The following NRXN3 variants were observed in gnomAD, a reference collection of about 807,000 sequenced individuals.
The protein encoded by NRXN3 is neurexin 3.
NRXN3 carries 32 observed loss-of-function variants against 137.6 expected under a neutral mutation model. The ratio of observed to expected loss-of-function variants is 0.23; its 90% CI spans 0.18 to 0.31. The LOEUF is 0.31. NRXN3 is among the 10% of genes least tolerant of loss of function. NRXN3 has a pLI of 1.00. For synonymous variants in NRXN3, 798 were observed against 784.5 expected, an observed-to-expected ratio of 1.02 and a Z score of -0.29; for missense variants, 1,574 against 2,062.5, an observed-to-expected ratio of 0.76 and a Z score of 4.59.
At chr14:78,862,028 C>T (rs1488025653) in intron 10 of NRXN3, among the ~76,000 whole-genome samples, 1 of 152,092 alleles carries the variant, frequency 6.6e-6, no homozygotes, top group Non-Finnish European at 1.5e-5. Flanking sequence ...CTAGAGTTTA[C>T]ATTCCAGTTG....
intron 15 of NRXN3, among the ~76,000 whole-genome samples, chr14:79,185,075 G>A (rs2063363412): frequency 6.6e-6 from 1 of 152,150 alleles, no homozygotes; most frequent in African/African-American, 2.4e-5. Flanking sequence ...ATCTTAAGAA[G>A]TTATTAGTCC....
intron 15 of NRXN3, among the ~76,000 whole-genome samples, chr14:79,078,143 C>A (rs1462435536): frequency 6.6e-6 from 1 of 152,066 alleles, no homozygotes; most frequent in African/African-American, 2.4e-5. Flanking sequence ...CCTAGGATTT[C>A]TACTGCTGCT....
intron 20 of NRXN3, among the ~76,000 whole-genome samples, chr14:79,842,565 T>C (rs1211303696): frequency 6.6e-6 from 1 of 152,126 alleles, no homozygotes; most frequent in African/African-American, 2.4e-5. Flanking sequence ...CCTTTGGGGA[T>C]TTTAAAGAGG....
At chr14:79,079,093 A>G (rs924208228) in intron 15 of NRXN3, among the ~76,000 whole-genome samples, 1 of 152,138 alleles carries the variant, frequency 6.6e-6, no homozygotes, top group Non-Finnish European at 1.5e-5. Context: ...CAGAACAAAG[A>G]TCATTCTCTT....
intron 15 of NRXN3, among the ~76,000 whole-genome samples, chr14:79,207,866 AT>A (rs1568607606): frequency 6.6e-6 from 1 of 151,998 alleles, no homozygotes; most frequent in African/African-American, 2.4e-5. Context: ...TATGGTATAT[AT>A]ATTTTAAATT....
chr14:79,428,584 C>T (rs2095694357), intron 15 of NRXN3, among the ~76,000 whole-genome samples: 4 of 151,976 alleles, frequency 2.6e-5, no homozygotes, highest in Admixed American at 2.6e-4. Flanking sequence ...TTTTTTCTTA[C>T]ATATATTATA....
chr14:79,712,862 C>T (rs562070273), intron 19 of NRXN3, among the ~76,000 whole-genome samples: 1 of 152,236 alleles, frequency 6.6e-6, no homozygotes, highest in African/African-American at 2.4e-5. Context: ...ATCCCTGGGC[C>T]CTGCTCCTGT....
chr14:79,128,143 C>A (rs74577864), intron 15 of NRXN3, among the ~76,000 whole-genome samples: 1 of 143,324 alleles, frequency 7.0e-6, no homozygotes, highest in Admixed American at 7.0e-5. Context: ...TTGACTTCCT[C>A]TTTTCCTAAT....
intron 9 of NRXN3, among the ~76,000 whole-genome samples, chr14:78,807,787 A>AAGAAAGAAAG (rs71131663): frequency 6.8e-6 from 1 of 147,876 alleles, no homozygotes; most frequent in Admixed American, 6.7e-5. Context: ...GAAAGAAAGA[A>AAGAAAGAAAG]AAAAACTTTC....
intron 15 of NRXN3, among the ~76,000 whole-genome samples, chr14:79,056,611 G>A (rs1471629184): frequency 6.6e-6 from 1 of 152,168 alleles, no homozygotes; most frequent in Non-Finnish European, 1.5e-5. Context: ...GTTGTGTGGG[G>A]TCTGCAGGAT....
At chr14:79,556,892 C>T (rs999403126) in intron 16 of NRXN3, among the ~76,000 whole-genome samples, 6 of 152,142 alleles carry the variant, frequency 3.9e-5, no homozygotes, top group Non-Finnish European at 7.4e-5. Flanking sequence ...CAATGTTGCA[C>T]CTTTGCATAA....
intron 15 of NRXN3, among the ~76,000 whole-genome samples, chr14:79,300,758 A>G (rs1354163819): frequency 6.6e-6 from 1 of 152,078 alleles, no homozygotes; most frequent in African/African-American, 2.4e-5. Context: ...GAAATAGGTG[A>G]CGTGTCTTAG....
chr14:79,378,153 G>A (rs962537212), intron 15 of NRXN3, among the ~76,000 whole-genome samples: 2 of 152,182 alleles, frequency 1.3e-5, no homozygotes, highest in Admixed American at 1.3e-4. Flanking sequence ...TTCATCCTCA[G>A]TGCCTTCATT....
Position 78,510,339 on chromosome 14 carries a change from C to T in NRXN3, c.758-134781C>T, listed in dbSNP as rs185442829. Among the ~76,000 whole-genome samples the T allele has an allele frequency of 5.3e-5, 8 of 152,088 alleles. No individual in the cohort carries two copies. The East Asian group carries it at 1.5e-3, about 29-fold the overall frequency. ...TAATAATAACAATTAGTTAACATTA[C>T]CAAACTGGTTATTCAGAGTTTAATC... On this transcript the variant is annotated intron_variant, in intron 4 of 20. Transcript: ENST00000335750.
chr14:79,651,459 T>A (rs2071570452), intron 16 of NRXN3, among the ~76,000 whole-genome samples: 1 of 152,084 alleles, frequency 6.6e-6, no homozygotes, highest in East Asian at 1.9e-4. Flanking sequence ...GGCTGAACAT[T>A]TATTAAACTT....
intron 15 of NRXN3, among the ~76,000 whole-genome samples, chr14:79,337,530 G>A (rs1460413384): frequency 3.9e-5 from 6 of 152,160 alleles, no homozygotes; most frequent in Non-Finnish European, 7.4e-5. Context: ...GTCTTCCATC[G>A]TGATGGTAAA....
intron 15 of NRXN3, among the ~76,000 whole-genome samples, chr14:79,296,265 A>C (rs2084092168): frequency 6.6e-6 from 1 of 152,132 alleles, no homozygotes; most frequent in Non-Finnish European, 1.5e-5. Flanking sequence ...ACAGTATTTT[A>C]ATGCACGTTG....
chr14:78,917,828 A>G (rs1356070044), intron 10 of NRXN3, among the ~76,000 whole-genome samples: 1 of 152,156 alleles, frequency 6.6e-6, no homozygotes, highest in Non-Finnish European at 1.5e-5. Flanking sequence ...GAGGGCCTCC[A>G]CCTGACTTGG....
chr14:79,839,968 C>CATGT (rs35448994), intron 20 of NRXN3, among the ~76,000 whole-genome samples: 18 of 147,238 alleles, frequency 1.2e-4, no homozygotes, highest in Admixed American at 2.7e-4. Context: ...TTTCTGGAAG[C>CATGT]ATGTATGTAT....
Sources: allele counts gnomAD v4.1 joint callset (sites outside exome capture counted in the v4.1 genomes callset), GRCh38; gene constraint gnomAD v4.1.1; transcripts MANE v1.5; gene names NCBI Gene and HGNC (gene_info 2026-07-23, HGNC 2026-07-21).